The following NUAK1 variants were observed in gnomAD, a reference collection of about 807,000 sequenced individuals.
NUAK1 encodes the protein NUAK family kinase 1, also known as NUAK family SNF1-like kinase 1.
NUAK1 carries 26 observed loss-of-function variants against 56.9 expected under a neutral mutation model. That is an observed-to-expected ratio of 0.46 (90% CI 0.33 to 0.63). NUAK1 has a LOEUF of 0.63. Among genes scored for constraint, NUAK1 ranks in the 30% least tolerant of loss-of-function variants. NUAK1 has a pLI of 0.02. For synonymous variants in NUAK1, 337 were observed against 336.0 expected (o/e 1.00, Z -0.03); for missense variants, 727 against 876.1 (o/e 0.83, Z 2.15).
chr12:106,109,182 C>T (rs965278157), intron 1 of NUAK1, among the ~76,000 whole-genome samples: 1 of 152,154 alleles, frequency 6.6e-6, no homozygotes, highest in Non-Finnish European at 1.5e-5. Context: ...AGAGTGGTGG[C>T]GGACCCATCC....
At chr12:106,127,922 C>T (rs1157802967) in intron 1 of NUAK1, among the ~76,000 whole-genome samples, 1 of 152,106 alleles carries the variant, frequency 6.6e-6, no homozygotes, top group African/African-American at 2.4e-5. Context: ...TCCTGCCTTT[C>T]CAAAGAGGCC....
At chr12:106,084,960 A>C (rs1321491538) in intron 3 of NUAK1, among the ~76,000 whole-genome samples, 5 of 152,198 alleles carry the variant, frequency 3.3e-5, no homozygotes, top group African/African-American at 1.2e-4. Context: ...TTTTCATTTG[A>C]CCATTCTTAA....
chr12:106,105,426 A>C (rs1401459998), intron 2 of NUAK1, among the ~76,000 whole-genome samples: 1 of 152,240 alleles, frequency 6.6e-6, no homozygotes, highest in Non-Finnish European at 1.5e-5. Context: ...GAACAACTTA[A>C]GTGTTTGGCA....
intron 1 of NUAK1, among the ~76,000 whole-genome samples, chr12:106,131,619 C>T (rs761055167): frequency 3.3e-5 from 5 of 152,066 alleles, no homozygotes; most frequent in Non-Finnish European, 7.4e-5. Context: ...ATGGATGTGC[C>T]AGCTTTTATT....
chr12:106,067,532 C>T lies in NUAK1; in HGVS notation c.1256G>A (p.Gly419Asp), dbSNP rs55774704. Reference sequence around the variant, plus strand: ...AGAGGGTAAGGCAGGACCAACTACACCTTCAATGAAGCCAGTGCTGTGAGA... The same window carrying T: ...AGAGGGTAAGGCAGGACCAACTACATCTTCAATGAAGCCAGTGCTGTGAGA... The part of the protein sequence containing the change: ...HRSHSTGFIE[G>D]VVGPALPSTF... Residue 419 changes from glycine to aspartate, a missense_variant, in exon 7 of 7, where the codon GGT becomes GAT. Physicochemically the swap from Gly to Asp is moderately conservative, Grantham distance 94. Coordinates refer to ENST00000261402, the MANE Select transcript of NUAK1 (RefSeq NM_014840.3). This position sits in a 1 kb window ranked among gnomAD's most constrained non-coding sequence, Gnocchi z 6.0. 1.2e-6 allele frequency: 2 copies of T among 1,614,216 alleles called. No individual in the cohort carries two copies. The highest frequency in any genetic ancestry group is 1.1e-5 in the South Asian group (1 of 91,088).
intron 1 of NUAK1, among the ~76,000 whole-genome samples, chr12:106,134,369 T>C (rs994373315): frequency 6.6e-6 from 1 of 152,220 alleles, no homozygotes; most frequent in African/African-American, 2.4e-5. Flanking sequence ...TAGCTTTGGG[T>C]GCTTAAAACA....
intron 1 of NUAK1, among the ~76,000 whole-genome samples, chr12:106,127,852 C>T (rs150125684): frequency 5.3e-5 from 8 of 152,230 alleles, no homozygotes; most frequent in Non-Finnish European, 1.2e-4. Flanking sequence ...ACAGCAGCAC[C>T]TACTGTGTGC....
chr12:106,113,423 C>T (rs1220936806), intron 1 of NUAK1, among the ~76,000 whole-genome samples: 1 of 152,054 alleles, frequency 6.6e-6, no homozygotes, highest in South Asian at 2.1e-4. Context: ...AGATCACCTG[C>T]CTCCGATCCC....
intron 2 of NUAK1, among the ~76,000 whole-genome samples, chr12:106,090,349 G>A (rs2032623240): frequency 6.6e-6 from 1 of 152,172 alleles, no homozygotes; most frequent in African/African-American, 2.4e-5. Context: ...TCAAGCCTCA[G>A]TGTTTCATCA....
At chr12:106,114,087 T>C (rs2032892806) in intron 1 of NUAK1, among the ~76,000 whole-genome samples, 1 of 152,190 alleles carries the variant, frequency 6.6e-6, no homozygotes, top group African/African-American at 2.4e-5. Context: ...TGCAACTGTT[T>C]TTCTTCCAGG....
chr12:106,069,513 G>C (rs1020856406), intron 6 of NUAK1, among the ~76,000 whole-genome samples: 1 of 152,170 alleles, frequency 6.6e-6, no homozygotes, highest in Non-Finnish European at 1.5e-5. Context: ...GATCAGTTTT[G>C]TTTAGGCATG....
At chr12:106,103,103 A>C (rs1389983520) in intron 2 of NUAK1, 1 of 152,220 alleles carries the variant, frequency 6.6e-6, no homozygotes, top group Non-Finnish European at 1.5e-5. Flanking sequence ...TTTGTCTCTG[A>C]TCTTCTCTTT....
chr12:106,073,758 C>T (rs1487428347), intron 4 of NUAK1, among the ~76,000 whole-genome samples: 1 of 151,706 alleles, frequency 6.6e-6, no homozygotes, highest in Admixed American at 6.6e-5. Context: ...GCGGAGATTG[C>T]AGTGAGCCAA....
rs567398957 is a variant in NUAK1 at position 106,119,327 on chromosome 12, C to A, written c.241-12802G>T. On this transcript the variant is annotated intron_variant, in intron 1 of 6. Transcript: ENST00000261402. Reference sequence around the variant, plus strand: ...ATCCTAACTGAGTGACCCCGACCAGCCCTATTTACTCCAAGGTGGCTCATC... The same window carrying A: ...ATCCTAACTGAGTGACCCCGACCAGACCTATTTACTCCAAGGTGGCTCATC... Among the ~76,000 whole-genome samples, 18 of 152,270 alleles carry A rather than the reference C, an allele frequency of 1.2e-4. No individual in the cohort carries two copies. In the South Asian group the frequency reaches 2.1e-3, roughly 18 times the overall value.
intron 2 of NUAK1, among the ~76,000 whole-genome samples, chr12:106,097,024 G>A (rs1320199262): frequency 1.3e-5 from 2 of 152,134 alleles, no homozygotes; most frequent in African/African-American, 4.8e-5. Flanking sequence ...AGCCAGAAAG[G>A]ACATCTCACT....
chr12:106,098,071 G>A (rs1018199637), intron 2 of NUAK1, among the ~76,000 whole-genome samples: 10 of 152,158 alleles, frequency 6.6e-5, no homozygotes, highest in Non-Finnish European at 1.2e-4. Context: ...AGGAATACAG[G>A]CTTTTCCACA....
At chr12:106,074,887 A>C (rs1300049116) in intron 4 of NUAK1, among the ~76,000 whole-genome samples, 1 of 152,122 alleles carries the variant, frequency 6.6e-6, no homozygotes, top group African/African-American at 2.4e-5. Flanking sequence ...TTTCTTATCA[A>C]GGCCCCTGAC....
chr12:106,128,235 G>T (rs964233880), intron 1 of NUAK1, among the ~76,000 whole-genome samples: 1 of 151,146 alleles, frequency 6.6e-6, no homozygotes, highest in African/African-American at 2.4e-5. Context: ...GGGTTCAAGC[G>T]ATTCTCCTGC....
intron 1 of NUAK1, among the ~76,000 whole-genome samples, chr12:106,108,690 C>T (rs1178876532): frequency 6.6e-6 from 1 of 152,160 alleles, no homozygotes; most frequent in East Asian, 1.9e-4. Context: ...GTAGAAACCA[C>T]CCCTTTGATT....
Sources: gnomAD v4.1 joint callset for allele counts (sites outside exome capture counted in the v4.1 genomes callset) on GRCh38, gnomAD v4.1.1 for gene constraint, Gnocchi (gnomAD v3.1) non-coding constraint, MANE v1.5 for transcripts, NCBI Gene and HGNC (gene_info 2026-07-23, HGNC 2026-07-21) for gene names.